Variants in KEL observed in about 807,000 individuals in gnomAD.
The protein encoded by KEL is Kell metallo-endopeptidase (Kell blood group).
Under a neutral mutation model 99.5 loss-of-function variants are expected in KEL, and 96 were observed. The observed-to-expected ratio is 0.97, with a 90% CI of 0.82 to 1.14. The LOEUF (loss-of-function observed/expected upper bound fraction) is 1.14. Ranked by LOEUF, KEL falls within the 50% of genes most tolerant of loss-of-function variation. The pLI is 0.00. For synonymous variants in KEL, 355 were observed against 354.8 expected (o/e 1.00, Z -0.01); for missense variants, 926 against 924.2 (o/e 1.00, Z -0.03).
intron 9 of KEL, 28 bp downstream of exon 9, chr7:142,953,780 G>A (rs775382808): frequency 4.0e-5 from 65 of 1,613,040 alleles, no homozygotes; most frequent in Non-Finnish European, 5.4e-5. Flanking sequence ...CCATTTCCAT[G>A]ATCTCCCCAA....
intron 10 of KEL, among the ~76,000 whole-genome samples, chr7:142,949,872 C>T (rs148523020): frequency 1.3e-4 from 20 of 152,148 alleles, no homozygotes; most frequent in Non-Finnish European, 2.1e-4. Flanking sequence ...TTCTCAAAAC[C>T]CACCTTCCCA....
intron 14 of KEL, 45 bp downstream of exon 14, chr7:142,943,738 G>A (rs937237994): frequency 1.3e-6 from 2 of 1,553,724 alleles, no homozygotes; most frequent in South Asian, 2.2e-5. Flanking sequence ...AATCATGGAT[G>A]GGTCTCTCTG....
Position 142,942,604 on chromosome 7 carries a change from C to A in KEL, c.1942-75G>T, listed in dbSNP as rs2116637510. 7.0e-6 allele frequency: 8 copies of A among 1,139,760 alleles called. No individual in the cohort carries two copies. In the South Asian group the frequency reaches 1.0e-4, roughly 15 times the overall value. 70.6% of individuals were successfully genotyped at this position (1,139,760 alleles called of 1,614,324 possible). Reference sequence around the variant, plus strand: ...ATTTGAAAGTCCCTCCACACAGTACCCAAAACCCATGGCCCTTGCTCACTG... The same window carrying A: ...ATTTGAAAGTCCCTCCACACAGTACACAAAACCCATGGCCCTTGCTCACTG... On this transcript the variant is annotated intron_variant, in intron 17 of 18. Transcript: ENST00000355265.
At chr7:142,952,737 C>T (rs1309690716) in intron 9 of KEL, 99 bp from the exon 10 acceptor site, 1 of 1,350,314 alleles carries the variant, frequency 7.4e-7, no homozygotes, top group Admixed American at 1.8e-5. Flanking sequence ...CTCGTGAAGG[C>T]AGCTCCTTCT....
Position 142,942,311 on chromosome 7 carries a change from C to T in KEL, c.2037+123G>A. 7 of 704,260 alleles carry T rather than the reference C, an allele frequency of 9.9e-6. 1 individual carries two copies. The South Asian group carries it at 1.1e-4, about 11-fold the overall frequency. The allele number at this position is 704,260 out of a possible 1,614,324, so 43.6% of individuals were successfully genotyped here. On this transcript the variant is annotated intron_variant, in intron 18 of 18. Transcript: ENST00000355265. The stretch of plus-strand genomic sequence containing the variant: ...GGAAGAGAAAAGATAACAGTGAGGA[C>T]ATCTGCAGAAGAGGGTTTGGGGTAT...
At chr7:142,961,552 G>C in intron 2 of KEL, 51 bp from the exon 3 acceptor site, 2 of 1,550,618 alleles carry the variant, frequency 1.3e-6, no homozygotes, top group East Asian at 4.7e-5. Context: ...TTGAGAGACA[G>C]GGATGGGAAG....
chr7:142,961,253 G>C, intron 3 of KEL, 107 bp downstream of exon 3: 1 of 1,543,018 alleles, frequency 6.5e-7, no homozygotes, highest in Non-Finnish European at 8.9e-7. Flanking sequence ...AGAACCATGG[G>C]GACCCCAAGG....
At chr7:142,957,681 A>G (rs1722543435) in intron 6 of KEL, 146 bp downstream of exon 6, 5 of 981,422 alleles carry the variant, frequency 5.1e-6, no homozygotes, top group Non-Finnish European at 7.9e-6. Flanking sequence ...TGACTTTCAC[A>G]TCAATAATTT....
intron 18 of KEL, among the ~76,000 whole-genome samples, chr7:142,941,754 C>T (rs1017441691): frequency 3.3e-5 from 5 of 151,284 alleles, no homozygotes; most frequent in Admixed American, 2.6e-4. Context: ...GTGGGCGCCA[C>T]ACCTAAGGTC....
chr7:142,960,122 G>T (rs1039708150), intron 4 of KEL, among the ~76,000 whole-genome samples: 1 of 152,072 alleles, frequency 6.6e-6, no homozygotes, highest in Non-Finnish European at 1.5e-5. Flanking sequence ...GCCTCCATCT[G>T]CAGGAACTTT....
rs61729054 is a variant in KEL at position 142,953,839 on chromosome 7, G to C, written c.1042C>G (p.Gln348Glu). ...TTTAGCAGCATCTCCTCCACCAGTT[G>C]TGACATGTTTTTCAAATATTCCACG... ...HDVEYLKNMS[Q>E]LVEEMLLKQR... Residue 348 changes from glutamine to glutamate, a missense_variant, in exon 9 of 19, where the codon CAA becomes GAA. Coordinates refer to ENST00000355265, the MANE Select transcript of KEL (RefSeq NM_000420.3). 7 of 1,614,180 alleles carry C rather than the reference G, an allele frequency of 4.3e-6. No homozygotes were observed. Among genetic ancestry groups the C allele is most frequent in the Non-Finnish European group, 5.1e-6 (6 of 1,180,038 alleles).
chr7:142,952,369 G>C (rs1796707440), intron 10 of KEL, 140 bp downstream of exon 10: 2 of 1,116,090 alleles, frequency 1.8e-6, no homozygotes, highest in South Asian at 2.5e-5. Flanking sequence ...CAACTTGCCT[G>C]CTTCTATGGA....
intron 10 of KEL, among the ~76,000 whole-genome samples, chr7:142,951,952 T>C (rs146900605): frequency 2.8e-4 from 43 of 152,206 alleles, no homozygotes; most frequent in African/African-American, 8.4e-4. Context: ...CTGCATCTTA[T>C]GTAATAAGTA....
chr7:142,961,684 C>T, intron 2 of KEL, 111 bp downstream of exon 2: 1 of 1,285,466 alleles, frequency 7.8e-7, no homozygotes. Context: ...GGAATGTCAA[C>T]TGTTTTGGGT....
chr7:142,942,210 C>G, intron 18 of KEL: 1 of 581,534 alleles, frequency 1.7e-6, no homozygotes, highest in Non-Finnish European at 3.1e-6. Flanking sequence ...TTTTTTCTAC[C>G]TTTTGAGTTG....
intron 10 of KEL, among the ~76,000 whole-genome samples, chr7:142,948,931 CT>C (rs1464659732): frequency 6.6e-6 from 1 of 151,894 alleles, no homozygotes; most frequent in African/African-American, 2.4e-5. Flanking sequence ...CACACACACA[CT>C]AGAAACCTGA....
chr7:142,956,699 G>C (rs899948491), intron 6 of KEL, among the ~76,000 whole-genome samples: 3 of 152,052 alleles, frequency 2.0e-5, no homozygotes, highest in Non-Finnish European at 4.4e-5. Context: ...TTCAAGGCTG[G>C]CTTAGCTCAC....
chr7:142,961,897 G>A, intron 1 of KEL, 25 bp from the exon 2 acceptor site: 2 of 1,612,026 alleles, frequency 1.2e-6, no homozygotes, highest in Non-Finnish European at 1.7e-6. Flanking sequence ...GGGAGAAGGA[G>A]GAGAGAGAAG....
At chr7:142,960,284 A>G (rs560546256) in intron 4 of KEL, among the ~76,000 whole-genome samples, 2 of 152,210 alleles carry the variant, frequency 1.3e-5, no homozygotes, top group African/African-American at 2.4e-5. Flanking sequence ...ATCATCTCCA[A>G]TCATCCATCT....
Sources: gnomAD v4.1 joint callset for allele counts (sites outside exome capture counted in the v4.1 genomes callset) on GRCh38, gnomAD v4.1.1 for gene constraint, MANE v1.5 for transcripts, NCBI Gene and HGNC (gene_info 2026-07-23, HGNC 2026-07-21) for gene names.